Variants in CTNNA2 observed in about 807,000 individuals in gnomAD.
The protein encoded by CTNNA2 is catenin alpha 2, also known as catenin alpha-2.
A neutral mutation model predicts 101.0 loss-of-function variants in CTNNA2; 42 were observed. That is an observed-to-expected ratio of 0.42 (90% CI 0.32 to 0.54). CTNNA2 has a LOEUF of 0.54. Among genes scored for constraint, CTNNA2 ranks in the 20% least tolerant of loss-of-function variants. CTNNA2 has a pLI of 0.14. For synonymous variants in CTNNA2, 450 were observed against 456.4 expected, an observed-to-expected ratio of 0.99 and a Z score of 0.18; for missense variants, 871 against 1,223.1, an observed-to-expected ratio of 0.71 and a Z score of 4.29.
intron 7 of CTNNA2, among the ~76,000 whole-genome samples, chr2:80,115,652 A>G (rs931777869): frequency 4.6e-5 from 7 of 152,166 alleles, no homozygotes; most frequent in African/African-American, 1.7e-4. Flanking sequence ...AAGATTTGGG[A>G]CAGAGGGAGG....
At chr2:79,843,998 A>C (rs148528865) in intron 3 of CTNNA2, among the ~76,000 whole-genome samples, 257 of 152,308 alleles carry the variant, frequency 1.7e-3, no homozygotes, top group African/African-American at 5.8e-3. Flanking sequence ...TGGGAAGTTA[A>C]ATTGTACTCC....
chr2:80,222,591 C>T (rs1708630583), intron 7 of CTNNA2, among the ~76,000 whole-genome samples: 2 of 152,136 alleles, frequency 1.3e-5, no homozygotes, highest in East Asian at 1.9e-4. Context: ...CAGGCCCAAG[C>T]ACTTTTTTCT....
chr2:79,189,618 T>C (rs1414549826), intron 1 of CTNNA2, among the ~76,000 whole-genome samples: 1 of 152,156 alleles, frequency 6.6e-6, no homozygotes, highest in Non-Finnish European at 1.5e-5. Context: ...GCTGGGCAAG[T>C]GAAACTACAG....
chr2:79,896,947 G>A (rs764246368), intron 6 of CTNNA2, among the ~76,000 whole-genome samples: 3 of 152,204 alleles, frequency 2.0e-5, no homozygotes, highest in Non-Finnish European at 4.4e-5. Flanking sequence ...GGGGGTTCAT[G>A]AGGAGAGACG....
At chr2:79,357,368 G>A (rs577389093) in intron 3 of CTNNA2, among the ~76,000 whole-genome samples, 2 of 152,174 alleles carry the variant, frequency 1.3e-5, no homozygotes, top group East Asian at 3.9e-4. Flanking sequence ...ATCAAAGCTG[G>A]CTAAGCACAA....
At chr2:79,347,071 A>G (rs996287669) in intron 3 of CTNNA2, among the ~76,000 whole-genome samples, 17 of 152,234 alleles carry the variant, frequency 1.1e-4, no homozygotes, top group African/African-American at 4.1e-4. Flanking sequence ...ACAAACCAGC[A>G]TGTGTACCCC....
intron 3 of CTNNA2, among the ~76,000 whole-genome samples, chr2:79,854,858 A>G (rs1441347912): frequency 6.6e-6 from 1 of 152,154 alleles, no homozygotes; most frequent in African/African-American, 2.4e-5. Context: ...CATGCATACT[A>G]TTTCTTAGCG....
chr2:80,257,615 A>G (rs911636850), intron 7 of CTNNA2, among the ~76,000 whole-genome samples: 1 of 152,126 alleles, frequency 6.6e-6, no homozygotes, highest in Admixed American at 6.6e-5. Context: ...GAGAGTTCCA[A>G]TGAATGTGGG....
chr2:79,791,791 G>A (rs1482854104), intron 3 of CTNNA2, among the ~76,000 whole-genome samples: 1 of 152,172 alleles, frequency 6.6e-6, no homozygotes, highest in Admixed American at 6.5e-5. Flanking sequence ...TCTAGGGGCT[G>A]CAAATTCTCA....
intron 1 of CTNNA2, among the ~76,000 whole-genome samples, chr2:79,563,760 C>A (rs1674937762): frequency 6.6e-6 from 1 of 152,126 alleles, no homozygotes; most frequent in South Asian, 2.1e-4. Flanking sequence ...TTATGTGGAA[C>A]TTACCAAGTA....
intron 8 of CTNNA2, among the ~76,000 whole-genome samples, chr2:80,409,268 T>C (rs1679343830): frequency 6.6e-6 from 1 of 151,404 alleles, no homozygotes; most frequent in Admixed American, 6.6e-5. Context: ...GATGGAGGGG[T>C]GGAGAAATCT....
At chr2:79,457,201 C>CAAAAAA (rs369641720) in intron 4 of CTNNA2, among the ~76,000 whole-genome samples, 2 of 82,444 alleles carry the variant, frequency 2.4e-5, no homozygotes, top group Non-Finnish European at 5.1e-5. Context: ...GACTCCATCT[C>CAAAAAA]AAAAAAAAAA....
chr2:79,509,937 T>C (rs1190378539), upstream of CTNNA2, among the ~76,000 whole-genome samples: 1 of 152,182 alleles, frequency 6.6e-6, no homozygotes, highest in African/African-American at 2.4e-5. Context: ...ATTAAAGCAA[T>C]GAAATTGCTC....
intron 1 of CTNNA2, among the ~76,000 whole-genome samples, chr2:79,614,568 A>G (rs1011377902): frequency 2.0e-5 from 3 of 152,178 alleles, no homozygotes; most frequent in Non-Finnish European, 2.9e-5. Flanking sequence ...AGAACAAGTC[A>G]CACCAAAATA....
chr2:79,245,895 A>T (rs1176041040), intron 2 of CTNNA2, among the ~76,000 whole-genome samples: 3 of 152,158 alleles, frequency 2.0e-5, no homozygotes, highest in Admixed American at 6.5e-5. Flanking sequence ...CTCATCCCAA[A>T]ACCCAGGACT....
At chr2:80,185,490 G>A (rs774912885) in intron 7 of CTNNA2, among the ~76,000 whole-genome samples, 36 of 152,018 alleles carry the variant, frequency 2.4e-4, no homozygotes, top group Admixed American at 7.9e-4. Flanking sequence ...GGATCACTGG[G>A]AGACATTTCA....
intron 7 of CTNNA2, among the ~76,000 whole-genome samples, chr2:80,334,468 C>T (rs1217729929): frequency 3.3e-5 from 5 of 152,100 alleles, no homozygotes; most frequent in African/African-American, 1.2e-4. Flanking sequence ...ATTCATTTTT[C>T]AAAAACAAGA....
intron 17 of CTNNA2, among the ~76,000 whole-genome samples, chr2:80,610,806 C>T (rs216673): frequency 6.6e-6 from 1 of 151,574 alleles, no homozygotes; most frequent in African/African-American, 2.4e-5. Context: ...TGAGAAAGGC[C>T]TCTTGTCTTG....
chr2:80,633,604 C>G (rs896732617), intron 18 of CTNNA2, among the ~76,000 whole-genome samples: 1 of 152,158 alleles, frequency 6.6e-6, no homozygotes, highest in Admixed American at 6.6e-5. Flanking sequence ...GTAGATCTGC[C>G]TGGTCAAAGA....
Sources: allele counts gnomAD v4.1 joint callset (sites outside exome capture counted in the v4.1 genomes callset), GRCh38; gene constraint gnomAD v4.1.1; transcripts MANE v1.5; gene names NCBI Gene and HGNC (gene_info 2026-07-23, HGNC 2026-07-21).